The following RHPN2 variants were observed in gnomAD, a reference collection of about 807,000 sequenced individuals.
RHPN2 encodes the protein rhophilin-2.
In RHPN2, 40 loss-of-function variants were observed where a neutral mutation model predicts 79.0. That is an observed-to-expected ratio of 0.51 (90% CI 0.39 to 0.66). The LOEUF is 0.66. Ranked by LOEUF, RHPN2 falls within the 30% of genes least tolerant of loss-of-function variation. RHPN2 has a pLI of 0.00. For missense variants in RHPN2, 686 were observed against 883.5 expected (o/e 0.78, Z 2.83); for synonymous variants, 285 against 363.5 (o/e 0.78, Z 2.46).
chr19:33,051,628 T>C (rs201500767), intron 1 of RHPN2: 6 of 189,864 alleles, frequency 3.2e-5, no homozygotes, highest in Non-Finnish European at 6.1e-5. Flanking sequence ...CAGAATGTTA[T>C]CCTAGGTGAA....
chr19:33,043,885 C>T (rs1972120984), intron 2 of RHPN2, among the ~76,000 whole-genome samples: 1 of 152,120 alleles, frequency 6.6e-6, no homozygotes, highest in Admixed American at 6.6e-5. Context: ...ATTCAATAAA[C>T]ATTTACCAAG....
At chr19:33,052,994 C>T (rs10407546) in intron 1 of RHPN2, among the ~76,000 whole-genome samples, 53,833 of 149,730 alleles carry the variant, frequency 0.36, 12,328 homozygotes, top group African/African-American at 0.63. Flanking sequence ...TTTTTTGAGA[C>T]GAAGTCTTGC....
chr19:33,004,629 C>T (rs531101354), intron 7 of RHPN2, among the ~76,000 whole-genome samples: 1 of 151,424 alleles, frequency 6.6e-6, no homozygotes, highest in East Asian at 2.0e-4. Context: ...AATAAACACC[C>T]AGGCTGGAGT....
intron 4 of RHPN2, among the ~76,000 whole-genome samples, chr19:33,014,868 A>C (rs1290960521): frequency 6.6e-6 from 1 of 152,142 alleles, no homozygotes; most frequent in Non-Finnish European, 1.5e-5. Context: ...AGGTGGGAGA[A>C]TCACTTGAGA....
chr19:33,029,527 GAAAA>G (rs374028038), intron 2 of RHPN2, among the ~76,000 whole-genome samples: 1 of 81,570 alleles, frequency 1.2e-5, no homozygotes. Flanking sequence ...CTCTATCTCA[GAAAA>G]AAAAAAAAAA....
At chr19:33,027,248 CAAAAAAAAAAAA>C (rs541616607) in intron 2 of RHPN2, 2 of 42,338 alleles carry the variant, frequency 4.7e-5, no homozygotes, top group African/African-American at 9.3e-5. Flanking sequence ...GGCTCCCTCT[CAAAAAAAAAAAA>C]AAAAAAAAAA....
chr19:33,036,160 G>A (rs1329775591), intron 2 of RHPN2, among the ~76,000 whole-genome samples: 1 of 149,848 alleles, frequency 6.7e-6, no homozygotes, highest in Non-Finnish European at 1.5e-5. Flanking sequence ...ATCGATTCCT[G>A]CAAAATATAG....
At chr19:32,991,342 C>T in intron 13 of RHPN2, 1 of 214,026 alleles carries the variant, frequency 4.7e-6, no homozygotes, top group East Asian at 1.3e-4. Context: ...ACCTGTAATC[C>T]CAGCTACTCA....
At chr19:33,025,946 G>A (rs1334058174) in intron 3 of RHPN2, among the ~76,000 whole-genome samples, 3 of 149,498 alleles carry the variant, frequency 2.0e-5, no homozygotes, top group Admixed American at 1.3e-4. Context: ...GGCTCATCAC[G>A]TATATTTACA....
intron 4 of RHPN2, among the ~76,000 whole-genome samples, chr19:33,019,322 G>C (rs1221287189): frequency 6.6e-6 from 1 of 150,534 alleles, no homozygotes; most frequent in South Asian, 2.1e-4. Flanking sequence ...GCTCACGCCT[G>C]TAATCCCAGC....
intron 2 of RHPN2, among the ~76,000 whole-genome samples, chr19:33,028,341 G>C (rs562276950): frequency 2.1e-4 from 32 of 152,200 alleles, no homozygotes; most frequent in African/African-American, 7.5e-4. Flanking sequence ...TTTCTTTGTA[G>C]AGATGGAGTC....
chr19:33,039,517 C>G (rs576945907), intron 2 of RHPN2, among the ~76,000 whole-genome samples: 106 of 152,194 alleles, frequency 7.0e-4, no homozygotes, highest in Non-Finnish European at 1.1e-3. Flanking sequence ...ACTATCCCCC[C>G]TCTGAAACGA....
At chr19:33,019,307 T>TG (rs1012884283) in intron 4 of RHPN2, among the ~76,000 whole-genome samples, 43 of 150,672 alleles carry the variant, frequency 2.9e-4, no homozygotes, top group Admixed American at 2.8e-3. Context: ...TAGCCAGGCA[T>TG]GGTGGCTCAC....
intron 14 of RHPN2, among the ~76,000 whole-genome samples, chr19:32,986,971 G>A (rs1971617447): frequency 6.6e-6 from 1 of 151,382 alleles, no homozygotes; most frequent in Non-Finnish European, 1.5e-5. Context: ...AACCTCCTTG[G>A]GCTCAAGTGA....
intron 14 of RHPN2, among the ~76,000 whole-genome samples, chr19:32,986,833 C>T (rs561618368): frequency 6.6e-6 from 1 of 150,714 alleles, no homozygotes; most frequent in Non-Finnish European, 1.5e-5. Flanking sequence ...AATTCACATA[C>T]ATGCATAAAA....
At chr19:33,016,729 G>A (rs1971881227) in intron 4 of RHPN2, among the ~76,000 whole-genome samples, 1 of 152,116 alleles carries the variant, frequency 6.6e-6, no homozygotes, top group South Asian at 2.1e-4. Flanking sequence ...ACACTGTGAA[G>A]CTTCACTGAT....
chr19:33,016,894 T>C (rs1971882554), intron 4 of RHPN2, among the ~76,000 whole-genome samples: 4 of 152,220 alleles, frequency 2.6e-5, no homozygotes, highest in Admixed American at 1.3e-4. Context: ...TTCATATGAC[T>C]GACATTTGTA....
At chr19:33,002,200 A>C (rs759635755) in intron 9 of RHPN2, 47 bp downstream of exon 9, 4 of 1,599,144 alleles carry the variant, frequency 2.5e-6, no homozygotes, top group Non-Finnish European at 2.6e-6. Context: ...CCCCTGGGGC[A>C]GCTGGACCAC....
intron 2 of RHPN2, among the ~76,000 whole-genome samples, chr19:33,031,440 T>C (rs1972011020): frequency 1.3e-5 from 2 of 151,872 alleles, no homozygotes; most frequent in African/African-American, 2.4e-5. Flanking sequence ...TTGTATTTTT[T>C]CACCATGTTG....
Sources: gnomAD v4.1 joint callset for allele counts (sites outside exome capture counted in the v4.1 genomes callset) on GRCh38, gnomAD v4.1.1 for gene constraint, MANE v1.5 for transcripts, NCBI Gene and HGNC (gene_info 2026-07-23, HGNC 2026-07-21) for gene names.